Variants in GSAP observed in about 807,000 individuals in gnomAD.
GSAP encodes the protein gamma-secretase activating protein, also known as gamma-secretase-activating protein.
In GSAP, 118 loss-of-function variants were observed where a neutral mutation model predicts 131.7. The ratio of observed to expected loss-of-function variants is 0.90; its 90% confidence interval spans 0.77 to 1.04. The LOEUF (loss-of-function observed/expected upper bound fraction) is 1.04, where lower values mean the gene tolerates loss of function less well. Among genes scored for constraint, GSAP ranks in the 50% least tolerant of loss-of-function variants. The pLI, the probability that GSAP is intolerant of heterozygous loss-of-function variation, is 0.00. For synonymous variants in GSAP, 381 were observed against 363.4 expected (o/e 1.05, Z -0.55); for missense variants, 1,019 against 1,013.2 (o/e 1.01, Z -0.08).
chr7:77,414,437 CTTAGTA>C (rs1803898002), intron 1 of GSAP, among the ~76,000 whole-genome samples: 1 of 152,156 alleles, frequency 6.6e-6, no homozygotes, highest in Admixed American at 6.5e-5. Context: ...TGATAATTCT[CTTAGTA>C]TAACAGGGCT....
chr7:77,402,665 A>G (rs1317394334), intron 3 of GSAP, among the ~76,000 whole-genome samples: 1 of 146,910 alleles, frequency 6.8e-6, no homozygotes, highest in Middle Eastern at 3.3e-3. Context: ...TTCCTTCAAT[A>G]AAACCATCAA....
intron 26 of GSAP, among the ~76,000 whole-genome samples, chr7:77,319,628 C>T (rs1474832482): frequency 6.6e-6 from 1 of 152,096 alleles, no homozygotes; most frequent in Non-Finnish European, 1.5e-5. Context: ...TTCACAATAG[C>T]CAAGATAGGG....
At chr7:77,358,116 G>A (rs1199561567) in intron 14 of GSAP, among the ~76,000 whole-genome samples, 2 of 152,188 alleles carry the variant, frequency 1.3e-5, no homozygotes, top group Non-Finnish European at 2.9e-5. Flanking sequence ...TGAGGCAGGT[G>A]GATTACTTGA....
chr7:77,374,203 T>A (rs1248740271), intron 11 of GSAP, 48 bp from the exon 12 acceptor site: 1 of 927,240 alleles, frequency 1.1e-6, no homozygotes, highest in African/African-American at 1.6e-5. Context: ...TAAAAATACA[T>A]CCCTTCATAA....
intron 3 of GSAP, among the ~76,000 whole-genome samples, chr7:77,400,561 C>T (rs1801144018): frequency 6.6e-6 from 1 of 152,196 alleles, no homozygotes; most frequent in Admixed American, 6.5e-5. Context: ...CCTGGCACAA[C>T]CTAGCAGTAG....
intron 12 of GSAP, among the ~76,000 whole-genome samples, chr7:77,364,831 G>A (rs956649711): frequency 1.3e-4 from 20 of 152,170 alleles, no homozygotes; most frequent in African/African-American, 4.8e-4. Flanking sequence ...GAAATGGTAT[G>A]TACACAGGCT....
intron 19 of GSAP, chr7:77,330,571 CTCTTTT>C: frequency 1.1e-6 from 1 of 934,254 alleles, no homozygotes; most frequent in South Asian, 4.5e-5. Flanking sequence ...CATTTTCTGT[CTCTTTT>C]TTTTTTTTTT....
chr7:77,313,097 G>T (rs530412038), intron 28 of GSAP, among the ~76,000 whole-genome samples: 4 of 152,278 alleles, frequency 2.6e-5, no homozygotes, highest in Admixed American at 2.6e-4. Context: ...ATGCAGTAAG[G>T]GGAAATACAG....
At chr7:77,407,937 T>C (rs1280475764) in intron 1 of GSAP, among the ~76,000 whole-genome samples, 1 of 152,196 alleles carries the variant, frequency 6.6e-6, no homozygotes, top group Non-Finnish European at 1.5e-5. Flanking sequence ...ATTAATATTC[T>C]GCAATAACAC....
intron 5 of GSAP, among the ~76,000 whole-genome samples, chr7:77,392,341 A>G (rs896447389): frequency 7.2e-5 from 11 of 152,024 alleles, no homozygotes; most frequent in Admixed American, 7.2e-4. Flanking sequence ...TGAGCTCAGG[A>G]GTTCAAGACC....
At chr7:77,319,424 G>T (rs1457753743) in intron 26 of GSAP, among the ~76,000 whole-genome samples, 3 of 152,136 alleles carry the variant, frequency 2.0e-5, no homozygotes, top group African/African-American at 4.8e-5. Context: ...GGAGAAATTG[G>T]AATCCTTATA....
At chr7:77,407,723 AG>A (rs1802542921) in intron 1 of GSAP, among the ~76,000 whole-genome samples, 1 of 152,214 alleles carries the variant, frequency 6.6e-6, no homozygotes, top group Non-Finnish European at 1.5e-5. Flanking sequence ...GGCAATATCT[AG>A]TGAAGCTGAA....
chr7:77,325,565 T>A (rs1788215692), intron 23 of GSAP, among the ~76,000 whole-genome samples: 1 of 152,144 alleles, frequency 6.6e-6, no homozygotes, highest in South Asian at 2.1e-4. Context: ...GTTGTTTTTA[T>A]GTTGTTGTTT....
intron 3 of GSAP, among the ~76,000 whole-genome samples, chr7:77,398,314 G>A (rs1331251226): frequency 6.6e-6 from 1 of 152,090 alleles, no homozygotes; most frequent in Non-Finnish European, 1.5e-5. Flanking sequence ...GAAAGTTAGG[G>A]AACAATTGAT....
At chr7:77,352,457 G>C (rs181126045) in intron 18 of GSAP, among the ~76,000 whole-genome samples, 2 of 152,140 alleles carry the variant, frequency 1.3e-5, no homozygotes, top group Non-Finnish European at 2.9e-5. Flanking sequence ...GAACCGACAG[G>C]GAGAAAAAGT....
Position 77,311,411 on chromosome 7 carries a change from C to G in GSAP, c.2512G>C (p.Glu838Gln), listed in dbSNP as rs1323990163. The G allele has an allele frequency of 2.5e-6, 4 of 1,612,622 alleles. No homozygotes were observed. In the East Asian group the frequency reaches 6.7e-5, roughly 27 times the overall value. The change falls in exon 31 of 31, where the codon GAA becomes CAA. Residue 838 changes from glutamate to glutamine, a missense_variant. Transcript: ENST00000257626. ...PFEGHDNVDA[E>Q]FVEEAALKHT... ...TTCAGAGCTGCTTCCTCTACAAATT[C>G]TGCATCCACATTGTCATGTCCTTCA...
At chr7:77,350,399 T>A (rs1315938218) in intron 18 of GSAP, among the ~76,000 whole-genome samples, 3 of 148,998 alleles carry the variant, frequency 2.0e-5, no homozygotes, top group Non-Finnish European at 3.0e-5. Flanking sequence ...ATTGTGCACA[T>A]GTACCCTAAA....
chr7:77,311,981 A>T, intron 29 of GSAP, 41 bp from the exon 30 acceptor site: 1 of 1,270,132 alleles, frequency 7.9e-7, no homozygotes. Flanking sequence ...GATTCTCCAC[A>T]ATAAGCACAA....
At chr7:77,401,192 CTAA>C (rs1801251419) in intron 3 of GSAP, among the ~76,000 whole-genome samples, 1 of 151,892 alleles carries the variant, frequency 6.6e-6, no homozygotes, top group African/African-American at 2.4e-5. Flanking sequence ...GAAATATTGG[CTAA>C]TGACTAAAAA....
Sources: allele counts gnomAD v4.1 joint callset (sites outside exome capture counted in the v4.1 genomes callset), GRCh38; gene constraint gnomAD v4.1.1; transcripts MANE v1.5; gene names NCBI Gene and HGNC (gene_info 2026-07-23, HGNC 2026-07-21).